CHLSN: variants seen among roughly 807,000 people sequenced by gnomAD.
CHLSN encodes the protein protein cholesin.
the CHLSN span, chr7:989,203 G>A: frequency 3.6e-5 from 9 of 252,888 alleles, no homozygotes; most frequent in East Asian, 1.5e-4. Flanking sequence ...AGAGACAGGC[G>A]CAGGTGGGTG....
chr7:1,122,471 G>A, the CHLSN span, among the ~76,000 whole-genome samples: 6 of 152,104 alleles, frequency 3.9e-5, no homozygotes, highest in Admixed American at 1.3e-4. Flanking sequence ...CCCCGCATAC[G>A]GCTCCGTGGC....
the CHLSN span, among the ~76,000 whole-genome samples, chr7:1,084,493 C>G: frequency 6.6e-6 from 1 of 152,236 alleles, no homozygotes; most frequent in Non-Finnish European, 1.5e-5. Flanking sequence ...GTACTGTGAG[C>G]ACCTCCAACC....
At chr7:997,457 C>A in the CHLSN span, 1 of 581,444 alleles carries the variant, frequency 1.7e-6, no homozygotes, top group Non-Finnish European at 2.9e-6. Context: ...GGGGCCCTTG[C>A]GAGGCTCTGG....
At chr7:1,038,315 C>T in the CHLSN span, among the ~76,000 whole-genome samples, 27 of 98,754 alleles carry the variant, frequency 2.7e-4, 1 homozygote, top group African/African-American at 9.2e-4. Context: ...GGGGGGTCAG[C>T]CCCCCGCCCG....
the CHLSN span, chr7:1,058,361 A>C: frequency 6.4e-6 from 5 of 779,272 alleles, no homozygotes; most frequent in Non-Finnish European, 1.2e-5. Flanking sequence ...ATTTCTCCAA[A>C]CTCCTGGCCT....
At chr7:1,060,001 TGTAGTGGGGCGGGTCC>T in the CHLSN span, among the ~76,000 whole-genome samples, 1 of 12,286 alleles carries the variant, frequency 8.1e-5, no homozygotes, top group Non-Finnish European at 1.4e-4. Flanking sequence ...GGGGCGGGTC[TGTAGTGGGGCGGGTCC>T]GTAGTGAAGC....
chr7:1,037,390 C>G, the CHLSN span, among the ~76,000 whole-genome samples: 4 of 133,518 alleles, frequency 3.0e-5, no homozygotes, highest in African/African-American at 8.2e-5. Flanking sequence ...GAGTGCCTGC[C>G]ATTGCAGGTG....
chr7:1,081,470 G>C, the CHLSN span, among the ~76,000 whole-genome samples: 3 of 152,240 alleles, frequency 2.0e-5, no homozygotes, highest in Admixed American at 1.3e-4. Flanking sequence ...CGGCGGGCTC[G>C]AGCGGGGCTT....
At chr7:1,116,498 C>T in the CHLSN span, among the ~76,000 whole-genome samples, 1 of 89,060 alleles carries the variant, frequency 1.1e-5, no homozygotes, top group Non-Finnish European at 2.1e-5. Flanking sequence ...CCATCACCGA[C>T]GCCCACGCAG....
chr7:987,452 A>AGCGGTTCATC, the CHLSN span: 1 of 1,580,480 alleles, frequency 6.3e-7, no homozygotes, highest in Non-Finnish European at 8.5e-7. Context: ...CACGAGGTGC[A>AGCGGTTCATC]GCGGTTCATC....
the CHLSN span, among the ~76,000 whole-genome samples, chr7:1,060,925 G>A: frequency 7.9e-5 from 12 of 152,084 alleles, no homozygotes; most frequent in Non-Finnish European, 1.2e-4. Context: ...GGCTGGCGCC[G>A]TCAGCCCAAC....
At chr7:1,035,652 G>A in the CHLSN span, among the ~76,000 whole-genome samples, 245 of 152,322 alleles carry the variant, frequency 1.6e-3, no homozygotes, top group African/African-American at 5.5e-3. Context: ...TGCGGGTGAG[G>A]ATGTGGAGCA....
chr7:1,016,658 GCAGCGCACAGCAGCA>G, the CHLSN span, among the ~76,000 whole-genome samples: 7,507 of 62,008 alleles, frequency 0.12, 1,315 homozygotes, highest in Admixed American at 0.15. Context: ...GCAGCACACA[GCAGCGCACAGCAGCA>G]CACGCCAGGG....
At chr7:990,927 C>G in the CHLSN span, among the ~76,000 whole-genome samples, 3,929 of 152,086 alleles carry the variant, frequency 0.026, 177 homozygotes, top group African/African-American at 0.089. Context: ...TCAGGGCTCC[C>G]GGGTGGGGTG....
At chr7:1,091,861 G>A in the CHLSN span, 1 of 1,612,940 alleles carries the variant, frequency 6.2e-7, no homozygotes, top group Non-Finnish European at 8.5e-7. Context: ...CCTGGCCAAT[G>A]GGACAGGTGA....
chr7:1,015,644 G>T, the CHLSN span, among the ~76,000 whole-genome samples: 1 of 152,222 alleles, frequency 6.6e-6, no homozygotes, highest in African/African-American at 2.4e-5. Flanking sequence ...GGAGAGCAGG[G>T]AGGACCCAGG....
chr7:1,036,040 G>A, the CHLSN span, among the ~76,000 whole-genome samples: 688 of 152,274 alleles, frequency 4.5e-3, 6 homozygotes, highest in African/African-American at 0.016. Flanking sequence ...GGGTCCCACC[G>A]CATGACATTC....
the CHLSN span, among the ~76,000 whole-genome samples, chr7:1,094,989 C>T: frequency 6.6e-6 from 1 of 152,156 alleles, no homozygotes; most frequent in Non-Finnish European, 1.5e-5. Flanking sequence ...TAACAGGTCT[C>T]GTGGAAGTGG....
the CHLSN span, among the ~76,000 whole-genome samples, chr7:1,010,647 G>A: frequency 0.17 from 25,310 of 152,214 alleles, 2,498 homozygotes; most frequent in Admixed American, 0.22. Context: ...GCTGGGGACA[G>A]GGAGGGGGCC....
Sources: allele counts gnomAD v4.1 joint callset (sites outside exome capture counted in the v4.1 genomes callset), GRCh38; gene constraint gnomAD v4.1.1; transcripts MANE v1.5; gene names NCBI Gene and HGNC (gene_info 2026-07-23, HGNC 2026-07-21).